Variants in NAV3 observed in about 807,000 individuals in gnomAD.
The protein encoded by NAV3 is pore membrane and/or filament interacting like protein 1.
NAV3 carries 87 observed loss-of-function variants against 244.7 expected under a neutral mutation model. The observed-to-expected ratio is 0.36, with a 90% CI of 0.30 to 0.42. NAV3 has a LOEUF of 0.42. Ranked by LOEUF, NAV3 falls within the 20% of genes least tolerant of loss-of-function variation. The pLI is 1.00. For synonymous variants in NAV3, 1,126 were observed against 1,042.2 expected, an observed-to-expected ratio of 1.08 and a Z score of -1.55; for missense variants, 2,663 against 2,893.3, an observed-to-expected ratio of 0.92 and a Z score of 1.83.
chr12:77,909,976 TC>T (rs1164526461), intron 1 of NAV3, among the ~76,000 whole-genome samples: 1 of 152,116 alleles, frequency 6.6e-6, no homozygotes, highest in African/African-American at 2.4e-5. Context: ...GTTTGAGACA[TC>T]TTTACAATGT....
At chr12:77,718,999 C>A (rs1876491327) in intron 2 of NAV3, among the ~76,000 whole-genome samples, 2 of 152,082 alleles carry the variant, frequency 1.3e-5, no homozygotes, top group South Asian at 2.1e-4. Flanking sequence ...TTTCTTTCAG[C>A]AATGTTTTGC....
At position 78,119,891 on chromosome 12, in the gene NAV3, G is replaced by A. The variant is rs2138638622; in HGVS notation, c.3695G>A (p.Gly1232Asp). The change falls in exon 15 of 40, where the codon GGT becomes GAT. Residue 1232 changes from glycine to aspartate, a missense_variant. Gly to Asp is a moderately conservative substitution (Grantham distance 94, BLOSUM62 -1). Transcript: ENST00000397909. The stretch of plus-strand genomic sequence containing the variant: ...TCTGCCAGCGCCTGTGGTGCACAAG[G>A]TCTCAGGCAGCCAGGATCCAAGTAT... ...PTSASACGAQ[G>D]LRQPGSKYPD... is the part of the protein sequence containing the mutation. The A allele has an allele frequency of 6.2e-7, 1 of 1,614,122 alleles. No homozygotes were observed. Among genetic ancestry groups the A allele is most frequent in the South Asian group, 1.1e-5 (1 of 91,082 alleles).
At chr12:78,095,538 AG>A (rs910724616) in intron 12 of NAV3, among the ~76,000 whole-genome samples, 1 of 152,168 alleles carries the variant, frequency 6.6e-6, no homozygotes, top group African/African-American at 2.4e-5. Context: ...ACCATGCTAA[AG>A]TTTACAGAAT....
intron 29 of NAV3, among the ~76,000 whole-genome samples, chr12:78,180,213 C>G (rs1958441400): frequency 6.6e-6 from 1 of 152,058 alleles, no homozygotes; most frequent in Non-Finnish European, 1.5e-5. Context: ...CAGAACCAGT[C>G]TGTGCTCAGA....
intron 16 of NAV3, among the ~76,000 whole-genome samples, chr12:78,124,600 C>A (rs941026953): frequency 6.6e-6 from 1 of 152,014 alleles, no homozygotes; most frequent in African/African-American, 2.4e-5. Flanking sequence ...GTTATAGGAG[C>A]GGACCACCAT....
chr12:77,976,923 C>G (rs188824289), intron 5 of NAV3, among the ~76,000 whole-genome samples: 100 of 152,138 alleles, frequency 6.6e-4, no homozygotes, highest in African/African-American at 1.8e-3. Flanking sequence ...GATCTGCCTG[C>G]CTCGGCCTCC....
Position 78,137,187 on chromosome 12 carries a change from A to C in NAV3, c.4452A>C (p.Thr1484=). The C allele has an allele frequency of 6.2e-7, 1 of 1,610,462 alleles. No homozygotes were observed. The highest frequency in any genetic ancestry group is 8.5e-7 in the Non-Finnish European group (1 of 1,178,394). ...TGTTTTGTTTTTCAGTGAGCCCAAC[A>C]AATTTGTCTCAGTTTAACCTTCCCG... ...KYHFSNLVSP[T]NLSQFNLPGP... is the part of the protein sequence containing the mutation. Residue 1484 remains threonine, a synonymous_variant, in exon 19 of 40, where the codon ACA becomes ACC. Coordinates refer to ENST00000397909, the MANE Select transcript of NAV3 (RefSeq NM_001024383.2).
chr12:77,919,156 C>T (rs1457665317), intron 1 of NAV3, among the ~76,000 whole-genome samples: 1 of 151,976 alleles, frequency 6.6e-6, no homozygotes, highest in Non-Finnish European at 1.5e-5. Context: ...AGAAAGTGAA[C>T]AAACAACAAA....
intron 2 of NAV3, among the ~76,000 whole-genome samples, chr12:77,683,559 A>C (rs1027390998): frequency 1.3e-5 from 2 of 152,128 alleles, no homozygotes; most frequent in African/African-American, 4.8e-5. Context: ...TCCGTGAAAA[A>C]TGTCATTGGA....
intron 3 of NAV3, among the ~76,000 whole-genome samples, chr12:77,945,117 T>C (rs1304961029): frequency 1.8e-5 from 1 of 55,116 alleles, no homozygotes; most frequent in Non-Finnish European, 3.8e-5. Flanking sequence ...AAGACACTGT[T>C]AGAGAAAAAA....
rs201140322 is a variant in NAV3, at chr12:78,122,057, G to T, written c.3867G>T (p.Glu1289Asp). The T allele has an allele frequency of 6.3e-5, 101 of 1,614,080 alleles. No individual in the cohort carries two copies. Among genetic ancestry groups the T allele is most frequent in the Non-Finnish European group, 8.1e-5 (95 of 1,180,036 alleles). Residue 1289 changes from glutamate (E) to aspartate (D), a missense_variant, in exon 16 of 40, where the codon GAG becomes GAT. Glu to Asp is a conservative substitution (Grantham distance 45). Around this residue, in one of 6 missense-constraint regions of NAV3, gnomAD observed 354 missense variants for 413.0 expected, o/e 0.86. Coordinates refer to ENST00000397909, the MANE Select transcript of NAV3 (RefSeq NM_001024383.2). The stretch of plus-strand genomic sequence containing the variant: ...CATTAGCGCGGCAAGGCAGTCTGGA[G>T]TCACCGTCGTCCGGTACGGGCAGCA... ...STTLARQGSL[E>D]SPSSGTGSMG...
chr12:78,137,449 T>C, intron 19 of NAV3, 84 bp downstream of exon 19: 6 of 1,350,126 alleles, frequency 4.4e-6, no homozygotes, highest in East Asian at 2.5e-5. Flanking sequence ...ATCACAAAGA[T>C]TCCTGAAGAG....
At chr12:78,163,671 T>C (rs553813750) in intron 23 of NAV3, among the ~76,000 whole-genome samples, 8 of 152,222 alleles carry the variant, frequency 5.3e-5, no homozygotes, top group South Asian at 4.1e-4. Context: ...AAAGAAGACA[T>C]GTTATATAAT....
intron 2 of NAV3, among the ~76,000 whole-genome samples, chr12:77,647,841 G>T (rs2136977652): frequency 6.6e-6 from 1 of 152,120 alleles, no homozygotes; most frequent in East Asian, 1.9e-4. Flanking sequence ...TTAAAGCACA[G>T]ATCTACCATT....
intron 2 of NAV3, among the ~76,000 whole-genome samples, chr12:77,674,280 A>T (rs1219830119): frequency 6.6e-6 from 1 of 152,202 alleles, no homozygotes; most frequent in East Asian, 1.9e-4. Flanking sequence ...TCTAAATGAC[A>T]TTTGGATTTC....
chr12:78,197,133 A>G (rs1959186888), intron 34 of NAV3, 114 bp from the exon 35 acceptor site: 1 of 692,878 alleles, frequency 1.4e-6, no homozygotes, highest in Non-Finnish European at 2.1e-6. Flanking sequence ...ATAATCTATG[A>G]CTTTAATGAA....
At chr12:77,708,126 C>A (rs908872971) in intron 2 of NAV3, among the ~76,000 whole-genome samples, 109 of 152,268 alleles carry the variant, frequency 7.2e-4, no homozygotes, top group African/African-American at 2.4e-3. Context: ...GACATGAAGT[C>A]CTTGCCCATG....
intron 34 of NAV3, among the ~76,000 whole-genome samples, chr12:78,191,697 T>C (rs1958989696): frequency 1.3e-5 from 2 of 152,192 alleles, no homozygotes; most frequent in African/African-American, 4.8e-5. Context: ...AATTGTCTGT[T>C]TGCTTCAGCT....
intron 2 of NAV3, among the ~76,000 whole-genome samples, chr12:77,712,325 A>G (rs1876159602): frequency 6.6e-6 from 1 of 152,060 alleles, no homozygotes; most frequent in African/African-American, 2.4e-5. Flanking sequence ...ATTGTATATT[A>G]TTTTTCCTTC....
Sources: gnomAD v4.1 joint callset for allele counts (sites outside exome capture counted in the v4.1 genomes callset) on GRCh38, gnomAD v4.1.1 for gene constraint, gnomAD v4.1.1 regional missense constraint, MANE v1.5 for transcripts, NCBI Gene and HGNC (gene_info 2026-07-23, HGNC 2026-07-21) for gene names.